The following SLAIN1 variants were observed in gnomAD, a reference collection of about 807,000 sequenced individuals.
SLAIN1 encodes the protein SLAIN motif-containing protein 1.
Under a neutral mutation model 55.4 loss-of-function variants are expected in SLAIN1, and 17 were observed. That is an observed-to-expected ratio of 0.31 (90% CI 0.21 to 0.46). SLAIN1 has a LOEUF of 0.46. Among genes scored for constraint, SLAIN1 ranks in the 20% least tolerant of loss-of-function variants. SLAIN1 has a pLI of 1.00. For synonymous variants in SLAIN1, 348 were observed against 337.4 expected (o/e 1.03, Z -0.35); for missense variants, 682 against 785.1 (o/e 0.87, Z 1.57).
chr13:77,714,744 T>C (rs1357177655), intron 1 of SLAIN1, among the ~76,000 whole-genome samples: 3 of 152,170 alleles, frequency 2.0e-5, no homozygotes, highest in Non-Finnish European at 4.4e-5. Flanking sequence ...CTTTAACATG[T>C]ATATATACCC....
chr13:77,729,961 G>A (rs1240444992), intron 2 of SLAIN1, among the ~76,000 whole-genome samples: 6 of 152,066 alleles, frequency 3.9e-5, no homozygotes, highest in Non-Finnish European at 1.5e-5. Flanking sequence ...GGAGGAGGAG[G>A]TGAGGAAGAG....
Position 77,746,859 on chromosome 13 carries a change from G to A in SLAIN1, c.1258+4G>A. 1 of 1,592,060 alleles carries A rather than the reference G, an allele frequency of 6.3e-7. No individual in the cohort carries two copies. Among genetic ancestry groups the A allele is most frequent in the Non-Finnish European group, 8.6e-7 (1 of 1,167,092 alleles). On this transcript the variant is annotated splice_donor_region_variant and intron_variant, in intron 4 of 6. Coordinates refer to ENST00000418532, the MANE Select transcript of SLAIN1 (RefSeq NM_001242868.2). ...CAACCAAATAGGACCAATGGAGGTAGGTTGTATGCTTTTTTGGTATTTGAT... is the reference window on the plus strand; with the variant it reads ...CAACCAAATAGGACCAATGGAGGTAAGTTGTATGCTTTTTTGGTATTTGAT...
At position 77,698,558 on chromosome 13, in the gene SLAIN1, C is replaced by T. The variant is rs1473118946; in HGVS notation, c.626+19C>T. On this transcript the variant is annotated intron_variant, in intron 1 of 6. Coordinates refer to ENST00000418532, the MANE Select transcript of SLAIN1 (RefSeq NM_001242868.2). The surrounding 1 kb of genome is among the most constrained non-coding windows in gnomAD (Gnocchi z 4.1). ...ACACCTGGTACTGCCTGGCTCCGCT[C>T]CTTCCCCGAGACCCTGGCCTCGGGG... The T allele has an allele frequency of 8.5e-6, 12 of 1,405,192 alleles. 1 individual carries two copies. The highest frequency in any genetic ancestry group is 8.3e-6 in the Non-Finnish European group (9 of 1,089,002). The allele number at this position is 1,405,192 out of a possible 1,614,324, so 87.0% of individuals were successfully genotyped here.
At chr13:77,751,239 A>C (rs1874186989) in intron 4 of SLAIN1, among the ~76,000 whole-genome samples, 1 of 152,174 alleles carries the variant, frequency 6.6e-6, no homozygotes, top group African/African-American at 2.4e-5. Flanking sequence ...GGGGTGAAAA[A>C]AATTTTAGAT....
chr13:77,705,432 T>C (rs1594249628), intron 1 of SLAIN1, among the ~76,000 whole-genome samples: 1 of 151,968 alleles, frequency 6.6e-6, no homozygotes, highest in African/African-American at 2.4e-5. Flanking sequence ...AAAATTTAGA[T>C]TAAGACTTTT....
chr13:77,730,786 A>T (rs1196738702), intron 2 of SLAIN1, among the ~76,000 whole-genome samples: 1 of 152,196 alleles, frequency 6.6e-6, no homozygotes, highest in Non-Finnish European at 1.5e-5. Context: ...ATGTATTTGC[A>T]TATGCATGCT....
intron 2 of SLAIN1, among the ~76,000 whole-genome samples, chr13:77,740,902 T>C (rs1010317259): frequency 5.3e-5 from 8 of 152,070 alleles, no homozygotes; most frequent in Non-Finnish European, 1.0e-4. Flanking sequence ...AGTGGAGCAT[T>C]ATTGTTTTGT....
At chr13:77,705,587 T>A (rs960654006) in intron 1 of SLAIN1, among the ~76,000 whole-genome samples, 2 of 152,004 alleles carry the variant, frequency 1.3e-5, no homozygotes, top group Non-Finnish European at 2.9e-5. Flanking sequence ...TGACATTGAA[T>A]AAAGTGATTT....
At chr13:77,732,210 C>T (rs554013474) in intron 2 of SLAIN1, among the ~76,000 whole-genome samples, 15 of 152,270 alleles carry the variant, frequency 9.9e-5, no homozygotes, top group African/African-American at 3.6e-4. Flanking sequence ...CTTCTCATCA[C>T]TCTTCCATTC....
chr13:77,716,205 TA>T, intron 1 of SLAIN1, among the ~76,000 whole-genome samples: 1 of 152,140 alleles, frequency 6.6e-6, no homozygotes. Context: ...TGTGTTTTAC[TA>T]AAAATCCTCC....
chr13:77,754,792 T>C (rs1473641481), intron 5 of SLAIN1, among the ~76,000 whole-genome samples: 1 of 152,218 alleles, frequency 6.6e-6, no homozygotes, highest in Non-Finnish European at 1.5e-5. Context: ...CTTACTAGAT[T>C]GTAAGCTCCC....
At chr13:77,718,644 AAAG>A (rs1483187459) in intron 1 of SLAIN1, among the ~76,000 whole-genome samples, 11 of 152,168 alleles carry the variant, frequency 7.2e-5, no homozygotes, top group Admixed American at 6.6e-5. Flanking sequence ...GCTTTGTTGG[AAAG>A]AAGATTACTT....
intron 2 of SLAIN1, among the ~76,000 whole-genome samples, chr13:77,743,702 A>G (rs1319668925): frequency 2.6e-5 from 4 of 151,200 alleles, no homozygotes; most frequent in South Asian, 4.2e-4. Context: ...ATGGGTGGCT[A>G]TAAGTCTCCC....
chr13:77,757,377 C>A (rs954663175), intron 5 of SLAIN1, among the ~76,000 whole-genome samples: 4 of 152,008 alleles, frequency 2.6e-5, no homozygotes. Context: ...GAGGATCTTA[C>A]ATAGACTTTA....
Position 77,763,881 on chromosome 13 carries a change from A to G in SLAIN1, c.*661A>G, listed in dbSNP as rs9600927. The G allele has an allele frequency of 0.21, 31,493 of 152,552 alleles. 3,362 individuals carry two copies. The highest frequency in any genetic ancestry group is 0.22 in the African/African-American group (9,327 of 41,494). The allele number at this position is 152,552 out of a possible 1,614,324, so 9.4% of individuals were successfully genotyped here. On this transcript the variant is annotated 3_prime_UTR_variant, in exon 7 of 7. Coordinates refer to ENST00000418532, the MANE Select transcript of SLAIN1 (RefSeq NM_001242868.2). ...TAATTTGAAGCATTGCAAGGAGATA[A>G]CCAGACAGCAGAATTAAATGGTCCT...
At chr13:77,712,271 G>A (rs1323131765) in intron 1 of SLAIN1, among the ~76,000 whole-genome samples, 1 of 152,206 alleles carries the variant, frequency 6.6e-6, no homozygotes, top group Non-Finnish European at 1.5e-5. Flanking sequence ...AAGAGAGGAA[G>A]TCAAATTGTC....
chr13:77,721,909 C>A (rs562820534), intron 2 of SLAIN1, among the ~76,000 whole-genome samples: 1 of 149,318 alleles, frequency 6.7e-6, no homozygotes, highest in Admixed American at 6.8e-5. Flanking sequence ...CCCACCCCGG[C>A]ATTAAGTCAT....
chr13:77,744,618 C>T, intron 3 of SLAIN1, 186 bp downstream of exon 3: 1 of 793,176 alleles, frequency 1.3e-6, no homozygotes. Flanking sequence ...AGGACTTAGT[C>T]TGATGAAAAC....
In SLAIN1 at chr13:77,744,295, G is replaced by A; in HGVS notation, c.779G>A (p.Arg260Lys). 6.2e-7 allele frequency: 1 copy of A among 1,612,548 alleles called. No homozygotes were observed. The highest frequency in any genetic ancestry group is 8.5e-7 in the Non-Finnish European group (1 of 1,179,024). ...CTTTGTGTTTCAGGTTACACTTCCA[G>A]GGGCTCCCCACTCAGTCCCCAGTCA... ...CFRLEQGYTS[R>K]GSPLSPQSSI... is the part of the protein sequence containing the mutation. Residue 260 changes from arginine to lysine, a missense_variant, in exon 3 of 7, where the codon AGG becomes AAG. This residue lies in a region of SLAIN1 where 401 missense variants were observed against 417.3 expected (regional missense o/e 0.96). Coordinates refer to ENST00000418532, the MANE Select transcript of SLAIN1 (RefSeq NM_001242868.2).
Sources: gnomAD v4.1 joint callset for allele counts (sites outside exome capture counted in the v4.1 genomes callset) on GRCh38, gnomAD v4.1.1 for gene constraint, gnomAD v4.1.1 regional missense constraint, Gnocchi (gnomAD v3.1) non-coding constraint, MANE v1.5 for transcripts, NCBI Gene and HGNC (gene_info 2026-07-23, HGNC 2026-07-21) for gene names.